RORB: variants seen among roughly 807,000 people sequenced by gnomAD.
The protein encoded by RORB is RAR related orphan receptor B.
RORB carries 6 observed loss-of-function variants against 59.1 expected under a neutral mutation model. The observed-to-expected ratio is 0.10, with a 90% CI of 0.06 to 0.20. The LOEUF (loss-of-function observed/expected upper bound fraction) is 0.20, where lower values mean the gene tolerates loss of function less well. Among genes scored for constraint, RORB ranks in the 10% least tolerant of loss-of-function variants. RORB has a pLI of 1.00. For missense variants in RORB, 320 were observed against 560.5 expected, an observed-to-expected ratio of 0.57 and a Z score of 4.33; for synonymous variants, 215 against 204.5, an observed-to-expected ratio of 1.05 and a Z score of -0.44.
chr9:74,525,567 C>T (rs1445359030), intron 1 of RORB, among the ~76,000 whole-genome samples: 1 of 151,954 alleles, frequency 6.6e-6, no homozygotes, highest in African/African-American at 2.4e-5. Context: ...TCTTCCTGGT[C>T]CCTTTTAAAA....
intron 1 of RORB, among the ~76,000 whole-genome samples, chr9:74,535,503 G>A (rs1035616096): frequency 1.3e-5 from 2 of 151,896 alleles, no homozygotes; most frequent in Admixed American, 6.6e-5. Context: ...ACGCAATCAC[G>A]GGAGGCTTCT....
At chr9:74,592,916 G>A (rs1432559484) in intron 1 of RORB, among the ~76,000 whole-genome samples, 1 of 152,006 alleles carries the variant, frequency 6.6e-6, no homozygotes, top group African/African-American at 2.4e-5. Context: ...AGAGCTAGGG[G>A]AAGCTGTCAG....
chr9:74,643,793 C>T (rs1049399539), intron 4 of RORB, among the ~76,000 whole-genome samples: 1 of 152,114 alleles, frequency 6.6e-6, no homozygotes, highest in Non-Finnish European at 1.5e-5. Context: ...AGGGCTCTGC[C>T]CAAAGAGGTG....
At chr9:74,612,301 A>C (rs1823242589) in intron 1 of RORB, among the ~76,000 whole-genome samples, 2 of 152,154 alleles carry the variant, frequency 1.3e-5, no homozygotes, top group Admixed American at 6.5e-5. Flanking sequence ...GGGATGGCTC[A>C]GGTGAATGGA....
chr9:74,620,081 C>T (rs1163817818), intron 1 of RORB, among the ~76,000 whole-genome samples: 1 of 152,182 alleles, frequency 6.6e-6, no homozygotes, highest in African/African-American at 2.4e-5. Context: ...AGGATTTCCT[C>T]TTTTTCTATT....
chr9:74,577,956 G>A (rs569891197), intron 1 of RORB, among the ~76,000 whole-genome samples: 1 of 152,156 alleles, frequency 6.6e-6, no homozygotes, highest in African/African-American at 2.4e-5. Flanking sequence ...CTAAGTATTA[G>A]CAGAACTGAA....
chr9:74,555,718 A>G (rs918304629), intron 1 of RORB, among the ~76,000 whole-genome samples: 5 of 152,226 alleles, frequency 3.3e-5, no homozygotes, highest in South Asian at 4.1e-4. Context: ...AATTCCAATT[A>G]GAGCTTGGGC....
intron 4 of RORB, among the ~76,000 whole-genome samples, chr9:74,650,064 A>G (rs1186343271): frequency 6.6e-6 from 1 of 152,206 alleles, no homozygotes; most frequent in Non-Finnish European, 1.5e-5. Context: ...AGCCAACTCC[A>G]TTTCAAAAGC....
chr9:74,632,600 AATGAGCAACAG>A (rs1823637846), intron 2 of RORB, among the ~76,000 whole-genome samples: 1 of 152,174 alleles, frequency 6.6e-6, no homozygotes, highest in South Asian at 2.1e-4. Context: ...CATTTGCAAT[AATGAGCAACAG>A]ATAAGCAAGA....
chr9:74,554,217 TC>T (rs1444516143), intron 1 of RORB, among the ~76,000 whole-genome samples: 1 of 152,152 alleles, frequency 6.6e-6, no homozygotes, highest in Non-Finnish European at 1.5e-5. Context: ...CTTGGGGTGA[TC>T]CAGCTTAGCA....
chr9:74,665,856 T>C (rs1587414467), intron 7 of RORB, among the ~76,000 whole-genome samples: 4 of 152,166 alleles, frequency 2.6e-5, no homozygotes, highest in African/African-American at 7.2e-5. Context: ...CAGAAATAAA[T>C]GGAGGCCCAG....
At chr9:74,581,056 C>T (rs952902849) in intron 1 of RORB, among the ~76,000 whole-genome samples, 1 of 152,108 alleles carries the variant, frequency 6.6e-6, no homozygotes, top group African/African-American at 2.4e-5. Flanking sequence ...TGAGTAGTCT[C>T]TGAACTTGGT....
chr9:74,499,506 A>G (rs1037412916), intron 1 of RORB, among the ~76,000 whole-genome samples: 1 of 152,144 alleles, frequency 6.6e-6, no homozygotes, highest in African/African-American at 2.4e-5. Flanking sequence ...ACTGTAGATA[A>G]GAAACAAGGA....
At chr9:74,573,464 TAAAAAA>T (rs5898361) in intron 1 of RORB, among the ~76,000 whole-genome samples, 4 of 131,864 alleles carry the variant, frequency 3.0e-5, no homozygotes, top group Admixed American at 2.3e-4. Context: ...CTTTTGTTAT[TAAAAAA>T]AAAAAAAAAA....
At chr9:74,556,269 TAC>T (rs1822289347) in intron 1 of RORB, among the ~76,000 whole-genome samples, 1 of 152,178 alleles carries the variant, frequency 6.6e-6, no homozygotes. Context: ...ATTACTGAGA[TAC>T]GTTATTGTAG....
At chr9:74,593,717 A>T (rs745805981) in intron 1 of RORB, among the ~76,000 whole-genome samples, 2 of 152,212 alleles carry the variant, frequency 1.3e-5, no homozygotes, top group Non-Finnish European at 2.9e-5. Context: ...AGGACAGTGA[A>T]CAATGTTGCT....
At chr9:74,662,869 C>T (rs1364406689) in intron 6 of RORB, among the ~76,000 whole-genome samples, 1 of 151,798 alleles carries the variant, frequency 6.6e-6, no homozygotes, top group Non-Finnish European at 1.5e-5. Flanking sequence ...ACAGGCAGTG[C>T]AAGTAATTAG....
chr9:74,502,547 C>G (rs1292147644), intron 1 of RORB, among the ~76,000 whole-genome samples: 1 of 151,906 alleles, frequency 6.6e-6, no homozygotes, highest in Non-Finnish European at 1.5e-5. Context: ...CTAGATTATT[C>G]CATTGCAATG....
At chr9:74,541,009 C>T (rs776155262) in intron 1 of RORB, among the ~76,000 whole-genome samples, 8 of 151,922 alleles carry the variant, frequency 5.3e-5, no homozygotes, top group Non-Finnish European at 8.8e-5. Flanking sequence ...AGCCGGGCAC[C>T]GTGGTGCACG....
Sources: gnomAD v4.1 joint callset for allele counts (sites outside exome capture counted in the v4.1 genomes callset) on GRCh38, gnomAD v4.1.1 for gene constraint, MANE v1.5 for transcripts, NCBI Gene and HGNC (gene_info 2026-07-23, HGNC 2026-07-21) for gene names.